The following UBAC2 variants were observed in gnomAD, a reference collection of about 807,000 sequenced individuals.
UBAC2 encodes ubiquitin-associated domain-containing protein 2.
In UBAC2, 26 loss-of-function variants were observed where a neutral mutation model predicts 44.0. That is an observed-to-expected ratio of 0.59 (90% CI 0.43 to 0.82). The LOEUF is 0.82. UBAC2 is among the 40% of genes least tolerant of loss of function. The pLI is 0.00. For missense variants in UBAC2, 329 were observed against 419.4 expected (o/e 0.78, Z 1.88); for synonymous variants, 155 against 154.3 (o/e 1.00, Z -0.04).
At chr13:99,221,301 C>G (rs908920311) in intron 1 of UBAC2, among the ~76,000 whole-genome samples, 1 of 152,158 alleles carries the variant, frequency 6.6e-6, no homozygotes, top group Non-Finnish European at 1.5e-5. Flanking sequence ...ATATTTCGTT[C>G]ACAATTACAT....
chr13:99,345,052 G>T (rs1403647659), intron 7 of UBAC2, among the ~76,000 whole-genome samples: 2 of 152,160 alleles, frequency 1.3e-5, no homozygotes, highest in Non-Finnish European at 2.9e-5. Flanking sequence ...GAAGTAGAAG[G>T]ACGGGTGGAA....
intron 1 of UBAC2, among the ~76,000 whole-genome samples, chr13:99,226,238 A>G (rs572739785): frequency 7.2e-5 from 11 of 152,316 alleles, no homozygotes; most frequent in South Asian, 4.1e-4. Context: ...AGGAAAGACA[A>G]CATGTCAGTA....
intron 3 of UBAC2, 134 bp from the exon 4 acceptor site, chr13:99,244,381 A>C (rs780511333): frequency 4.5e-5 from 26 of 578,042 alleles, no homozygotes; most frequent in Non-Finnish European, 6.6e-5. Flanking sequence ...ATATATACAC[A>C]CATATGCATG....
chr13:99,288,680 G>GGAAA (rs1424106330), intron 4 of UBAC2, among the ~76,000 whole-genome samples: 5 of 152,142 alleles, frequency 3.3e-5, no homozygotes, highest in African/African-American at 1.2e-4. Flanking sequence ...AATCCTGACT[G>GGAAA]ATTTAAATGT....
rs148447559 is a variant in UBAC2, at chr13:99,216,839, T to C, written c.31+15900T>C. ...GTTGGACTCTTTTCTTTTTTCTTTT[T>C]TTTTTTTTGAGACGAAGTCTTGCCC... On this transcript the variant is annotated intron_variant, in intron 1 of 8. Coordinates refer to ENST00000403766, the MANE Select transcript of UBAC2 (RefSeq NM_001144072.2). Among the ~76,000 whole-genome samples the C allele has an allele frequency of 6.8e-4, 103 of 151,302 alleles. 1 individual carries two copies. Among genetic ancestry groups the C allele is most frequent in the African/African-American group, 2.4e-3 (99 of 41,148 alleles).
chr13:99,215,724 T>C, intron 1 of UBAC2: 1 of 1,487,642 alleles, frequency 6.7e-7, no homozygotes, highest in South Asian at 1.4e-5. Context: ...TGTCTTGGCC[T>C]TTCCGGAGTC....
intron 1 of UBAC2, among the ~76,000 whole-genome samples, chr13:99,225,445 A>G (rs1420733349): frequency 6.6e-6 from 1 of 152,200 alleles, no homozygotes; most frequent in African/African-American, 2.4e-5. Context: ...ACATAGCATA[A>G]TGTCCTCAAG....
rs571257299 is a variant in UBAC2, at chr13:99,206,666, T to C, written c.31+5727T>C. ...TGCTCATCGAGCAAAACCCTAACTTTGCATTGATTTATGGGGTCAAGTCTG... is the reference window on the plus strand; with the variant it reads ...TGCTCATCGAGCAAAACCCTAACTTCGCATTGATTTATGGGGTCAAGTCTG... On this transcript the variant is annotated intron_variant, in intron 1 of 8. Transcript: ENST00000403766. Among the ~76,000 whole-genome samples, 142 of 152,358 alleles carry C rather than the reference T, an allele frequency of 9.3e-4. No homozygotes were observed. In the Middle Eastern group the frequency reaches 0.01, roughly 11 times the overall value.
At chr13:99,368,895 T>C (rs1052251333) in intron 8 of UBAC2, among the ~76,000 whole-genome samples, 1 of 151,862 alleles carries the variant, frequency 6.6e-6, no homozygotes, top group Admixed American at 6.6e-5. Context: ...ACGTACAGGA[T>C]AGCCCTGGAT....
intron 1 of UBAC2, among the ~76,000 whole-genome samples, chr13:99,208,138 C>A (rs1451808910): frequency 6.6e-6 from 1 of 151,918 alleles, no homozygotes; most frequent in Non-Finnish European, 1.5e-5. Context: ...GCTGGGATTA[C>A]AGGCGTGTAC....
chr13:99,210,644 A>G (rs1467665442), intron 1 of UBAC2, among the ~76,000 whole-genome samples: 1 of 151,834 alleles, frequency 6.6e-6, no homozygotes, highest in East Asian at 1.9e-4. Flanking sequence ...CGTCCGGCTA[A>G]TTTTGTGTTT....
At chr13:99,256,542 A>G (rs2043561435) in intron 4 of UBAC2, 1 of 152,192 alleles carries the variant, frequency 6.6e-6, no homozygotes, top group African/African-American at 2.4e-5. Flanking sequence ...TAGTGCCGTT[A>G]GTAACTTTCA....
chr13:99,255,597 G>C (rs1282318050), intron 4 of UBAC2: 1 of 1,614,178 alleles, frequency 6.2e-7, no homozygotes, highest in South Asian at 1.1e-5. Flanking sequence ...TCTGGCAGAA[G>C]TACTCTCCAA....
At chr13:99,244,216 A>G (rs1381970287) in intron 3 of UBAC2, among the ~76,000 whole-genome samples, 2 of 152,190 alleles carry the variant, frequency 1.3e-5, no homozygotes, top group African/African-American at 2.4e-5. Flanking sequence ...CTTTAATAAA[A>G]TTATAATTTA....
rs1349113559 is a variant in UBAC2 at position 99,200,902 on chromosome 13, CG to C, written c.-4del. ...GCGCCCTCTGGGGCTCCGAGCCCGG[CG>C]GGACCATGTTCACCAGCACCGGCTC... is the stretch of plus-strand genomic sequence containing the variant. On this transcript the variant is annotated 5_prime_UTR_variant, in exon 1 of 9. Transcript: ENST00000403766. 1 of 1,303,746 alleles carries C rather than the reference CG, an allele frequency of 7.7e-7. No individual in the cohort carries two copies. Among genetic ancestry groups the C allele is most frequent in the African/African-American group, 1.5e-5 (1 of 66,116 alleles). The allele number at this position is 1,303,746 out of a possible 1,614,324, so 80.8% of individuals were successfully genotyped here.
At chr13:99,201,509 G>T (rs754801857) in intron 1 of UBAC2, 1 of 1,614,208 alleles carries the variant, frequency 6.2e-7, no homozygotes, top group East Asian at 2.2e-5. Context: ...CGTGGCGAGG[G>T]AGCGCAGCTG....
At chr13:99,382,594 A>G (rs1361338727) in intron 8 of UBAC2, among the ~76,000 whole-genome samples, 2 of 152,092 alleles carry the variant, frequency 1.3e-5, no homozygotes, top group South Asian at 4.1e-4. Context: ...GTGTGCACAA[A>G]TGGGAGGGGA....
chr13:99,347,803 G>A (rs1211042403), intron 7 of UBAC2, among the ~76,000 whole-genome samples: 2 of 151,152 alleles, frequency 1.3e-5, no homozygotes, highest in Non-Finnish European at 1.5e-5. Flanking sequence ...GACATTTCCC[G>A]CCAGCACTGA....
intron 4 of UBAC2, among the ~76,000 whole-genome samples, chr13:99,262,509 C>T (rs2043678201): frequency 6.6e-6 from 1 of 151,902 alleles, no homozygotes; most frequent in African/African-American, 2.4e-5. Flanking sequence ...TCGAGACTAG[C>T]CTGGCCAACA....
Sources: allele counts gnomAD v4.1 joint callset (sites outside exome capture counted in the v4.1 genomes callset), GRCh38; gene constraint gnomAD v4.1.1; transcripts MANE v1.5; gene names NCBI Gene and HGNC (gene_info 2026-07-23, HGNC 2026-07-21).